MAGI2: variants seen among roughly 807,000 people sequenced by gnomAD.
The protein encoded by MAGI2 is membrane associated guanylate kinase, WW and PDZ domain containing 2.
A neutral mutation model predicts 133.3 loss-of-function variants in MAGI2; 35 were observed. That is an observed-to-expected ratio of 0.26 (90% confidence interval 0.20 to 0.35). The LOEUF (loss-of-function observed/expected upper bound fraction) is 0.35. Ranked by LOEUF, MAGI2 falls within the 10% of genes least tolerant of loss-of-function variation. MAGI2 has a pLI of 1.00. For missense variants in MAGI2, 1,636 were observed against 1,863.4 expected (o/e 0.88, Z 2.25); for synonymous variants, 729 against 710.6 (o/e 1.03, Z -0.41).
intron 20 of MAGI2, among the ~76,000 whole-genome samples, chr7:78,108,464 T>A (rs897714061): frequency 6.6e-6 from 1 of 152,224 alleles, no homozygotes; most frequent in Non-Finnish European, 1.5e-5. Context: ...TCAGATGAAG[T>A]CTTCTGTAAA....
At chr7:79,300,971 T>G (rs1837353179) in intron 1 of MAGI2, among the ~76,000 whole-genome samples, 1 of 152,236 alleles carries the variant, frequency 6.6e-6, no homozygotes. Flanking sequence ...CTTGGTGGCT[T>G]CCATATGGTG....
chr7:78,798,429 G>T (rs1787791170), intron 2 of MAGI2, among the ~76,000 whole-genome samples: 1 of 152,138 alleles, frequency 6.6e-6, no homozygotes, highest in Non-Finnish European at 1.5e-5. Flanking sequence ...TGGTTTGTCA[G>T]ATATTCATTT....
intron 16 of MAGI2, among the ~76,000 whole-genome samples, chr7:78,141,013 A>T (rs1029575026): frequency 2.0e-5 from 3 of 152,130 alleles, no homozygotes; most frequent in Non-Finnish European, 4.4e-5. Context: ...ATGGTGAGGA[A>T]CGGGAAGGTC....
rs1265608637 is a variant in MAGI2 at position 78,159,126 on chromosome 7, T to A, written c.2845+899A>T. ...ATCCCTGAATGCTCGGGGAGACTGATTTGAGTAATAATAAAACTCTGTCTC... is the reference window on the plus strand; with the variant it reads ...ATCCCTGAATGCTCGGGGAGACTGAATTGAGTAATAATAAAACTCTGTCTC... On this transcript the variant is annotated intron_variant, in intron 16 of 21. Coordinates refer to ENST00000354212, the MANE Select transcript of MAGI2 (RefSeq NM_012301.4). Among the ~76,000 whole-genome samples, 3 of 152,304 alleles carry A rather than the reference T, an allele frequency of 2.0e-5. No homozygotes were observed. The South Asian group carries it at 6.2e-4, about 32-fold the overall frequency.
chr7:78,528,290 G>T (rs1797155788), intron 3 of MAGI2, among the ~76,000 whole-genome samples: 1 of 152,160 alleles, frequency 6.6e-6, no homozygotes, highest in Non-Finnish European at 1.5e-5. Context: ...TAGGGTTCCA[G>T]CTGATCATAA....
chr7:79,413,007 T>A lies in MAGI2; in HGVS notation c.301+40013A>T, dbSNP rs1364397261. The A allele has an allele frequency of 9.2e-5, 14 of 152,064 alleles. No individual in the cohort carries two copies. The East Asian group carries it at 2.7e-3, about 29-fold the overall frequency. The allele number at this position is 152,064 out of a possible 1,614,324, so 9.4% of individuals were successfully genotyped here. On this transcript the variant is annotated intron_variant, in intron 1 of 21. Coordinates refer to ENST00000354212, the MANE Select transcript of MAGI2 (RefSeq NM_012301.4). ...CTAATAAAAGAATGTCAGAATACAGTGTAAGATTTTTGGTGTTTTCTCTCT... is the reference window on the plus strand; with the variant it reads ...CTAATAAAAGAATGTCAGAATACAGAGTAAGATTTTTGGTGTTTTCTCTCT...
At chr7:79,311,438 T>C (rs112609575) in intron 1 of MAGI2, among the ~76,000 whole-genome samples, 4,311 of 152,198 alleles carry the variant, frequency 0.028, 82 homozygotes, top group African/African-American at 0.039. Flanking sequence ...ATGCGGGCTG[T>C]GGGCCATGGG....
At chr7:79,212,896 T>C (rs1199094625) in intron 1 of MAGI2, among the ~76,000 whole-genome samples, 5 of 152,010 alleles carry the variant, frequency 3.3e-5, no homozygotes, top group African/African-American at 9.7e-5. Flanking sequence ...GTTTTCTTCC[T>C]CTCTTGAGGG....
intron 16 of MAGI2, among the ~76,000 whole-genome samples, chr7:78,137,109 A>G (rs537616788): frequency 4.1e-4 from 62 of 151,848 alleles, no homozygotes; most frequent in Non-Finnish European, 6.3e-4. Flanking sequence ...CTTTAAAAAA[A>G]TGATGTAGGC....
chr7:79,306,189 A>C (rs926978002), intron 1 of MAGI2, among the ~76,000 whole-genome samples: 1 of 138,574 alleles, frequency 7.2e-6, no homozygotes, highest in Non-Finnish European at 1.5e-5. Flanking sequence ...ATATATACAC[A>C]TATATATATA....
chr7:78,848,552 C>CA (rs965097968), intron 2 of MAGI2, among the ~76,000 whole-genome samples: 27 of 151,958 alleles, frequency 1.8e-4, no homozygotes, highest in Admixed American at 7.2e-4. Flanking sequence ...AGAATAAAAT[C>CA]AAATCTCTGA....
At chr7:78,295,027 C>A (rs1797092136) in intron 9 of MAGI2, among the ~76,000 whole-genome samples, 1 of 152,106 alleles carries the variant, frequency 6.6e-6, no homozygotes, top group Non-Finnish European at 1.5e-5. Context: ...TGTTGAATAT[C>A]ATTTATCTGA....
At chr7:78,903,769 C>T (rs771709886) in intron 2 of MAGI2, among the ~76,000 whole-genome samples, 3 of 152,004 alleles carry the variant, frequency 2.0e-5, no homozygotes, top group Admixed American at 6.6e-5. Flanking sequence ...TAGAAAAATA[C>T]GCAGTTATTA....
chr7:78,853,852 T>G (rs921079184), intron 2 of MAGI2, among the ~76,000 whole-genome samples: 4 of 152,154 alleles, frequency 2.6e-5, no homozygotes, highest in Middle Eastern at 3.4e-3. Context: ...CTTTGACACT[T>G]GCAATACTAG....
chr7:79,368,526 G>T (rs1014777967), intron 1 of MAGI2, among the ~76,000 whole-genome samples: 1 of 152,074 alleles, frequency 6.6e-6, no homozygotes, highest in Non-Finnish European at 1.5e-5. Context: ...CTTATCACTG[G>T]ATTTAAAGAG....
intron 2 of MAGI2, among the ~76,000 whole-genome samples, chr7:78,960,614 T>C (rs1802757192): frequency 6.6e-6 from 1 of 152,166 alleles, no homozygotes; most frequent in Non-Finnish European, 1.5e-5. Context: ...GCTAGAATCC[T>C]GTACTAAGTA....
chr7:78,398,475 C>G (rs1796562259), intron 6 of MAGI2, among the ~76,000 whole-genome samples: 1 of 152,130 alleles, frequency 6.6e-6, no homozygotes, highest in Admixed American at 6.6e-5. Context: ...TAATGTTCCC[C>G]TCAGCTTGAC....
chr7:79,035,381 G>C (rs1451718126), intron 1 of MAGI2, among the ~76,000 whole-genome samples: 3 of 152,210 alleles, frequency 2.0e-5, no homozygotes, highest in African/African-American at 7.2e-5. Context: ...TTCATACTAT[G>C]TGATTGTGGA....
At chr7:78,664,371 G>A (rs546749096) in intron 2 of MAGI2, among the ~76,000 whole-genome samples, 4 of 152,106 alleles carry the variant, frequency 2.6e-5, no homozygotes, top group Non-Finnish European at 5.9e-5. Context: ...GAAGTGTAAT[G>A]TTGGTGTAGA....
Sources: gnomAD v4.1 joint callset for allele counts (sites outside exome capture counted in the v4.1 genomes callset) on GRCh38, gnomAD v4.1.1 for gene constraint, MANE v1.5 for transcripts, NCBI Gene and HGNC (gene_info 2026-07-23, HGNC 2026-07-21) for gene names.